The following IDNK variants were observed in gnomAD, a reference collection of about 807,000 sequenced individuals.
The protein encoded by IDNK is gluconokinase.
A neutral mutation model predicts 13.0 loss-of-function variants in IDNK; 9 were observed. The observed-to-expected ratio is 0.69, with a 90% CI of 0.42 to 1.21. The LOEUF is 1.21. Ranked by LOEUF, IDNK falls within the 50% of genes most tolerant of loss-of-function variation. The probability of loss-of-function intolerance (pLI) is 0.00; values close to 1 mark genes in which losing one functional copy is unlikely to be tolerated. For missense variants in IDNK, 210 were observed against 237.8 expected, an observed-to-expected ratio of 0.88 and a Z score of 0.77; for synonymous variants, 92 against 94.9, an observed-to-expected ratio of 0.97 and a Z score of 0.18.
In IDNK at chr9:83,644,025, A is replaced by T. The variant is rs985685614; in HGVS notation, c.*245A>T. The T allele has an allele frequency of 9.7e-6, 4 of 413,386 alleles. No homozygotes were observed. The highest frequency in any genetic ancestry group is 1.8e-5 in the Non-Finnish European group (4 of 227,900). 25.6% of individuals were successfully genotyped at this position (413,386 alleles called of 1,614,324 possible). ...AATTCATCTATAACCAAATCAAATG[A>T]TCAGAGGAAATTCTGTAATCAATGC... On this transcript the variant is annotated 3_prime_UTR_variant, in exon 5 of 5. Coordinates refer to ENST00000376419, the MANE Select transcript of IDNK (RefSeq NM_001001551.4).
chr9:83,623,327 C>A, intron 1 of IDNK, 106 bp downstream of exon 1: 1 of 1,030,570 alleles, frequency 9.7e-7, no homozygotes, highest in Non-Finnish European at 1.3e-6. Flanking sequence ...TGGGGACCCC[C>A]CACCCTTCCC....
At chr9:83,630,475 CTG>C (rs1299995573) in intron 3 of IDNK, among the ~76,000 whole-genome samples, 1 of 152,146 alleles carries the variant, frequency 6.6e-6, no homozygotes, top group Admixed American at 6.5e-5. Flanking sequence ...CATTTTTCTC[CTG>C]TGGGGTAGGA....
chr9:83,636,709 G>C (rs1831174546), intron 3 of IDNK, among the ~76,000 whole-genome samples: 1 of 152,196 alleles, frequency 6.6e-6, no homozygotes, highest in South Asian at 2.1e-4. Flanking sequence ...CAGAAGGGCA[G>C]ACTGTCAACT....
At chr9:83,626,924 C>T (rs1401508706) in intron 1 of IDNK, 1 of 846,884 alleles carries the variant, frequency 1.2e-6, no homozygotes, top group African/African-American at 1.9e-5. Flanking sequence ...TGTCTAACAC[C>T]TCTCTGATAG....
intron 1 of IDNK, among the ~76,000 whole-genome samples, chr9:83,627,291 T>C (rs1231996833): frequency 6.6e-6 from 1 of 152,218 alleles, no homozygotes; most frequent in African/African-American, 2.4e-5. Context: ...TGGGTCATTG[T>C]CTGCTGGCCT....
chr9:83,643,349 C>T (rs1187152871), intron 4 of IDNK, 80 bp from the exon 5 acceptor site: 1 of 1,148,088 alleles, frequency 8.7e-7, no homozygotes, highest in Non-Finnish European at 1.2e-6. Context: ...GACTAGAGTC[C>T]TGCAACTAGA....
intron 1 of IDNK, among the ~76,000 whole-genome samples, chr9:83,627,807 A>C (rs543397949): frequency 6.7e-6 from 1 of 148,928 alleles, no homozygotes; most frequent in South Asian, 2.1e-4. Context: ...CCTCCATTCA[A>C]TATTTTCAGC....
In IDNK at chr9:83,628,128, A is replaced by G. The variant is rs745492462; in HGVS notation, c.51-53A>G. ...TCCCAGACATCCTTGCACAGAAGGA[A>G]GCTCCACACATTGGGCAGGGCAGTA... is the stretch of plus-strand genomic sequence containing the variant. On this transcript the variant is annotated intron_variant, in intron 1 of 4. Coordinates refer to ENST00000376419, the MANE Select transcript of IDNK (RefSeq NM_001001551.4). 33 of 1,549,804 alleles carry G rather than the reference A, an allele frequency of 2.1e-5. No individual in the cohort carries two copies. The Admixed American group carries it at 4.3e-4, about 20-fold the overall frequency.
At position 83,623,182 on chromosome 9, in the gene IDNK, C is replaced by G. The variant is rs566045982; in HGVS notation, c.11C>G (p.Pro4Arg). 16 of 1,413,504 alleles carry G rather than the reference C, an allele frequency of 1.1e-5. No homozygotes were observed. The East Asian group carries it at 3.7e-4, about 32-fold the overall frequency. The allele number at this position is 1,413,504 out of a possible 1,614,324, so 87.6% of individuals were successfully genotyped here. MAA[P>R]GALLVMGVSG... ...AGCCGAGCTTGGGTTATGGCGGCGC[C>G]GGGCGCGCTGCTGGTGATGGGCGTG... Residue 4 changes from proline to arginine, a missense_variant, in exon 1 of 5, where the codon CCG becomes CGG. Coordinates refer to ENST00000376419, the MANE Select transcript of IDNK (RefSeq NM_001001551.4).
At chr9:83,629,013 A>G (rs946887609) in intron 3 of IDNK, 54 bp downstream of exon 3, 12 of 1,394,934 alleles carry the variant, frequency 8.6e-6, no homozygotes, top group African/African-American at 1.4e-5. Flanking sequence ...TGACAGGATG[A>G]GCTCGCTACA....
chr9:83,630,756 T>C (rs79056942), intron 3 of IDNK, among the ~76,000 whole-genome samples: 6,734 of 152,174 alleles, frequency 0.044, 448 homozygotes, highest in African/African-American at 0.15. Context: ...GCAACCAAAA[T>C]TGATAGATTT....
intron 3 of IDNK, among the ~76,000 whole-genome samples, chr9:83,639,689 G>A (rs2131634724): frequency 6.6e-6 from 1 of 152,244 alleles, no homozygotes; most frequent in African/African-American, 2.4e-5. Context: ...GGGGTTGGAT[G>A]GCAGTGATCT....
intron 1 of IDNK, among the ~76,000 whole-genome samples, chr9:83,626,154 C>A (rs1249580585): frequency 6.6e-6 from 1 of 152,144 alleles, no homozygotes; most frequent in Non-Finnish European, 1.5e-5. Context: ...TTAGACCAAC[C>A]CACTGGGAGA....
At chr9:83,636,791 G>T (rs1203541231) in intron 3 of IDNK, among the ~76,000 whole-genome samples, 1 of 152,184 alleles carries the variant, frequency 6.6e-6, no homozygotes, top group Non-Finnish European at 1.5e-5. Context: ...AAGAAATTAT[G>T]AGTAAGGATA....
intron 4 of IDNK, 133 bp downstream of exon 4, chr9:83,641,724 C>A: frequency 1.1e-6 from 1 of 909,006 alleles, no homozygotes; most frequent in Non-Finnish European, 1.7e-6. Flanking sequence ...ACTGGCTGCA[C>A]TTCTATCAGG....
chr9:83,640,309 T>C (rs1831269321), intron 3 of IDNK, among the ~76,000 whole-genome samples: 1 of 152,230 alleles, frequency 6.6e-6, no homozygotes, highest in Non-Finnish European at 1.5e-5. Flanking sequence ...TTTATAAAGC[T>C]AGTAAAGCCC....
intron 1 of IDNK, among the ~76,000 whole-genome samples, chr9:83,624,450 G>A (rs1009842037): frequency 6.6e-6 from 1 of 152,132 alleles, no homozygotes; most frequent in Non-Finnish European, 1.5e-5. Flanking sequence ...TAAAATCCCT[G>A]CCCTCAAAGG....
intron 1 of IDNK, among the ~76,000 whole-genome samples, chr9:83,625,114 T>C (rs989928369): frequency 2.0e-5 from 3 of 152,136 alleles, no homozygotes; most frequent in Admixed American, 1.3e-4. Context: ...GTAAAGAGAA[T>C]GTGGTCATAT....
intron 3 of IDNK, among the ~76,000 whole-genome samples, chr9:83,634,062 G>A (rs1831099534): frequency 6.6e-6 from 1 of 152,216 alleles, no homozygotes; most frequent in Non-Finnish European, 1.5e-5. Flanking sequence ...TCAGGCACTA[G>A]AACTTGAATT....
Sources: allele counts gnomAD v4.1 joint callset (sites outside exome capture counted in the v4.1 genomes callset), GRCh38; gene constraint gnomAD v4.1.1; transcripts MANE v1.5; gene names NCBI Gene and HGNC (gene_info 2026-07-23, HGNC 2026-07-21).